The following ADGRV1 variants were observed in gnomAD, a reference collection of about 807,000 sequenced individuals.
ADGRV1 encodes G-protein coupled receptor 98.
Under a neutral mutation model 596.2 loss-of-function variants are expected in ADGRV1, and 359 were observed. The ratio of observed to expected loss-of-function variants is 0.60; its 90% CI spans 0.55 to 0.66. The LOEUF (loss-of-function observed/expected upper bound fraction) is 0.66, where lower values mean the gene tolerates loss of function less well. Ranked by LOEUF, ADGRV1 falls within the 30% of genes least tolerant of loss-of-function variation. The pLI is 0.00. For missense variants in ADGRV1, 7,274 were observed against 7,575.6 expected, an observed-to-expected ratio of 0.96 and a Z score of 1.48; for synonymous variants, 2,681 against 2,679.2, an observed-to-expected ratio of 1.00 and a Z score of -0.02.
chr5:90,729,589 AT>A (rs1198001375), intron 49 of ADGRV1, 52 bp from the exon 50 acceptor site: 23 of 1,407,360 alleles, frequency 1.6e-5, no homozygotes, highest in South Asian at 6.5e-5. Flanking sequence ...TAATTTTGTC[AT>A]TTTTTTCTGT....
At chr5:90,953,884 C>A (rs1777250415) in intron 83 of ADGRV1, among the ~76,000 whole-genome samples, 1 of 151,920 alleles carries the variant, frequency 6.6e-6, no homozygotes, top group East Asian at 1.9e-4. Flanking sequence ...CCTTAAAAAT[C>A]TAGATAAAAG....
chr5:90,782,962 A>C (rs1017842864), intron 65 of ADGRV1, among the ~76,000 whole-genome samples, 162 bp from the exon 66 acceptor site: 13 of 152,310 alleles, frequency 8.5e-5, no homozygotes, highest in East Asian at 1.9e-4. Context: ...AAAAAATGTC[A>C]TGAGGTTTTC....
chr5:90,771,323 A>G (rs1227405693), intron 59 of ADGRV1, among the ~76,000 whole-genome samples: 2 of 152,160 alleles, frequency 1.3e-5, no homozygotes, highest in Non-Finnish European at 2.9e-5. Flanking sequence ...CTTAATCCAA[A>G]TCTTCACTCT....
intron 25 of ADGRV1, among the ~76,000 whole-genome samples, chr5:90,678,816 C>G (rs1430490097): frequency 6.6e-6 from 1 of 151,800 alleles, no homozygotes; most frequent in Non-Finnish European, 1.5e-5. Flanking sequence ...TCCCAATTCT[C>G]AACACGGTTG....
intron 84 of ADGRV1, among the ~76,000 whole-genome samples, chr5:90,967,097 C>A (rs116467789): frequency 1.5e-4 from 23 of 152,152 alleles, no homozygotes; most frequent in African/African-American, 5.5e-4. Context: ...GGGTTGTTTT[C>A]CCCAGTATGA....
chr5:91,102,455 TAAC>T, intron 87 of ADGRV1, 115 bp downstream of exon 87: 1 of 813,632 alleles, frequency 1.2e-6, no homozygotes, highest in Non-Finnish European at 1.8e-6. Context: ...GTGTACATAA[TAAC>T]ATCATATAGA....
Position 90,965,464 on chromosome 5 carries a change from G to T in ADGRV1, c.17906G>T (p.Ser5969Ile), listed in dbSNP as rs199641818. The change falls in exon 84 of 90, where the codon AGC becomes ATC. Residue 5969 changes from serine (S) to isoleucine (I), a missense_variant. Ser to Ile is a moderately radical substitution (Grantham distance 142, BLOSUM62 -2). This residue lies in a region of ADGRV1 where 1,874 missense variants were observed against 1,970.2 expected (regional missense o/e 0.95). Transcript: ENST00000405460. ...AYASPQLAEE[S>I]CSAMAAVTHY... Reference sequence around the variant, plus strand: ...GCAAGTCCCCAACTCGCTGAGGAGAGCTGTTCAGCTATGGCTGCTGTCACA... The same window carrying T: ...GCAAGTCCCCAACTCGCTGAGGAGATCTGTTCAGCTATGGCTGCTGTCACA... The T allele has an allele frequency of 6.2e-7, 1 of 1,613,844 alleles. No homozygotes were observed. Among genetic ancestry groups the T allele is most frequent in the Admixed American group, 1.7e-5 (1 of 60,020 alleles).
At chr5:90,628,470 G>T in intron 7 of ADGRV1, 92 bp from the exon 8 acceptor site, 1 of 1,016,866 alleles carries the variant, frequency 9.8e-7, no homozygotes, top group Non-Finnish European at 1.5e-6. Context: ...GTTTTTATCA[G>T]TGTCTAATGG....
intron 83 of ADGRV1, among the ~76,000 whole-genome samples, chr5:90,879,251 G>A (rs1248531516): frequency 6.6e-6 from 1 of 152,258 alleles, no homozygotes; most frequent in Non-Finnish European, 1.5e-5. Flanking sequence ...ACATAGGAGA[G>A]AAAGGCCCTT....
At chr5:90,724,764 C>A in intron 45 of ADGRV1, 68 bp from the exon 46 acceptor site, 1 of 1,401,120 alleles carries the variant, frequency 7.1e-7, no homozygotes, top group Non-Finnish European at 1.0e-6. Context: ...ATTGTTTAAA[C>A]AATAAATTAG....
chr5:90,712,159 A>T, intron 41 of ADGRV1, 128 bp from the exon 42 acceptor site: 1 of 553,310 alleles, frequency 1.8e-6, no homozygotes, highest in Non-Finnish European at 3.0e-6. Flanking sequence ...AAATATAAGG[A>T]GACAAAATTC....
At chr5:90,980,122 G>T (rs1779965367) in intron 84 of ADGRV1, among the ~76,000 whole-genome samples, 3 of 152,136 alleles carry the variant, frequency 2.0e-5, no homozygotes, top group Admixed American at 2.0e-4. Context: ...ATCATGATAT[G>T]CTGGTAATTG....
chr5:90,991,372 G>A (rs1208585030), intron 85 of ADGRV1, among the ~76,000 whole-genome samples: 1 of 152,166 alleles, frequency 6.6e-6, no homozygotes, highest in East Asian at 1.9e-4. Flanking sequence ...CCTAAGCTTA[G>A]AATTTGATTG....
rs764873763 is a variant in ADGRV1 at position 90,711,314 on chromosome 5, A to G, written c.9034A>G (p.Thr3012Ala). Reference sequence around the variant, plus strand: ...ACAAGTGGGGCTGGATTATATCTTCACCCCAATGGTGGGTCTCAAAATCTA... The same window carrying G: ...ACAAGTGGGGCTGGATTATATCTTCGCCCCAATGGTGGGTCTCAAAATCTA... ...EAQVGLDYIF[T>A]PMILHFADGE... is the part of the protein sequence containing the mutation. The change falls in exon 41 of 90, where the codon ACC becomes GCC. Residue 3012 changes from threonine to alanine, a missense_variant. Physicochemically the swap from Thr to Ala is moderately conservative, Grantham distance 58. Coordinates refer to ENST00000405460, the MANE Select transcript of ADGRV1 (RefSeq NM_032119.4). 24 of 1,602,998 alleles carry G rather than the reference A, an allele frequency of 1.5e-5. No individual in the cohort carries two copies. The highest frequency in any genetic ancestry group is 2.0e-5 in the Non-Finnish European group (23 of 1,176,232).
At position 91,048,521 on chromosome 5, in the gene ADGRV1, T is replaced by A. The variant is rs576529327; in HGVS notation, c.18153-23926T>A. 3.3e-5 allele frequency among the ~76,000 whole-genome samples: 5 copies of A among 152,262 alleles called. No homozygotes were observed. In the South Asian group the frequency reaches 1.0e-3, roughly 32 times the overall value. Reference sequence around the variant, plus strand: ...GAACTCTTCATCCCTTCCCCTCAGCTCCAGGGGACACACAGTTACTTCTAC... The same window carrying A: ...GAACTCTTCATCCCTTCCCCTCAGCACCAGGGGACACACAGTTACTTCTAC... On this transcript the variant is annotated intron_variant, in intron 85 of 89. Transcript: ENST00000405460.
chr5:90,753,743 T>A lies in ADGRV1; in HGVS notation c.11291T>A (p.Val3764Asp). 6.2e-7 allele frequency: 1 copy of A among 1,613,514 alleles called. No homozygotes were observed. Among genetic ancestry groups the A allele is most frequent in the South Asian group, 1.1e-5 (1 of 91,052 alleles). The change falls in exon 54 of 90, where the codon GTT (valine) becomes GAT (aspartate). Residue 3764 changes from valine (V) to aspartate (D), a missense_variant. Transcript: ENST00000405460. The stretch of plus-strand genomic sequence containing the variant: ...ATTGATCAGGACAGAAGCAAGTCTG[T>A]TATAACAACTTTGCCCAATGACTCA... ...ATIDQDRSKS[V>D]ITTLPNDSPF...
At chr5:90,872,423 TTGTG>T (rs55743704) in intron 83 of ADGRV1, among the ~76,000 whole-genome samples, 21,066 of 147,020 alleles carry the variant, frequency 0.14, 1,685 homozygotes, top group Non-Finnish European at 0.18. Context: ...TGGTATGAGC[TTGTG>T]TGTGTGTGTG....
chr5:90,725,208 C>T lies in ADGRV1; in HGVS notation c.10029C>T (p.Phe3343=). The T allele has an allele frequency of 6.7e-7, 1 of 1,491,100 alleles. No homozygotes were observed. Among genetic ancestry groups the T allele is most frequent in the Non-Finnish European group, 9.0e-7 (1 of 1,109,250 alleles). 92.4% of individuals were successfully genotyped at this position (1,491,100 alleles called of 1,614,324 possible). A position where few individuals can be genotyped will look rare whatever the true frequency, so the allele number is the denominator to read the frequency against. ...EKPSLNSVFT[F]TSGFKLFLVQ... ...CTTCTCTTAACAGTGTGTTTACATT[C>T]ACATCTGGATTTAAATTATTCCTGG... Residue 3343 remains phenylalanine (F), a synonymous_variant, in exon 47 of 90, where the codon TTC becomes TTT. Coordinates refer to ENST00000405460, the MANE Select transcript of ADGRV1 (RefSeq NM_032119.4).
Position 90,745,209 on chromosome 5 carries a change from T to C in ADGRV1, c.10713T>C (p.Ala3571=). The change falls in exon 51 of 90, where the codon GCT becomes GCC. Residue 3571 remains alanine, a synonymous_variant. Transcript: ENST00000405460. The stretch of plus-strand genomic sequence containing the variant: ...AGAATTTAATAGCTCTAGTGGGAGC[T>C]CATTCACATATATATGAGCTAGCCT... ...SSKNLIALVG[A]HSHIYELAYI... is the part of the protein sequence containing the mutation. 2 of 1,611,814 alleles carry C rather than the reference T, an allele frequency of 1.2e-6. No individual in the cohort carries two copies. The highest frequency in any genetic ancestry group is 1.7e-6 in the Non-Finnish European group (2 of 1,179,636).
Sources: allele counts gnomAD v4.1 joint callset (sites outside exome capture counted in the v4.1 genomes callset), GRCh38; gene constraint gnomAD v4.1.1; regional missense constraint gnomAD v4.1.1; transcripts MANE v1.5; gene names NCBI Gene and HGNC (gene_info 2026-07-23, HGNC 2026-07-21).